PHF21A: variants seen among roughly 807,000 people sequenced by gnomAD.
The protein encoded by PHF21A is BHC80a.
PHF21A carries 11 observed loss-of-function variants against 82.5 expected under a neutral mutation model. The observed-to-expected ratio is 0.13, with a 90% CI of 0.08 to 0.22. The LOEUF is 0.22. PHF21A is among the 10% of genes least tolerant of loss of function. The pLI, the probability that PHF21A is intolerant of heterozygous loss-of-function variation, is 1.00. For missense variants in PHF21A, 579 were observed against 837.8 expected (o/e 0.69, Z 3.81); for synonymous variants, 297 against 302.8 (o/e 0.98, Z 0.20).
intron 6 of PHF21A, among the ~76,000 whole-genome samples, chr11:46,071,098 T>C (rs1431917385): frequency 6.6e-6 from 1 of 152,250 alleles, no homozygotes; most frequent in Non-Finnish European, 1.5e-5. Flanking sequence ...TGTTTTAAAA[T>C]TATACATTCA....
At chr11:46,045,036 CTT>C (rs1267381251) in intron 6 of PHF21A, among the ~76,000 whole-genome samples, 2 of 152,280 alleles carry the variant, frequency 1.3e-5, no homozygotes, top group East Asian at 3.9e-4. Context: ...TGGCCCAACA[CTT>C]TTTATGAAAA....
chr11:46,109,484 T>C (rs951479567), intron 1 of PHF21A, among the ~76,000 whole-genome samples: 2 of 152,208 alleles, frequency 1.3e-5, no homozygotes, highest in Non-Finnish European at 2.9e-5. Context: ...TATATATTTA[T>C]GTAAGTTTGT....
intron 1 of PHF21A, among the ~76,000 whole-genome samples, chr11:46,107,632 T>G (rs2097166903): frequency 6.6e-6 from 1 of 152,194 alleles, no homozygotes; most frequent in Non-Finnish European, 1.5e-5. Context: ...TTAGAAAGGC[T>G]TTTTTAAAAA....
chr11:45,977,766 A>T (rs1215752896), intron 7 of PHF21A, among the ~76,000 whole-genome samples: 1 of 152,094 alleles, frequency 6.6e-6, no homozygotes, highest in Non-Finnish European at 1.5e-5. Flanking sequence ...TATCTGATTT[A>T]CAACAGGGAT....
chr11:46,073,320 C>A (rs1168000588), intron 6 of PHF21A, among the ~76,000 whole-genome samples: 1 of 149,642 alleles, frequency 6.7e-6, no homozygotes, highest in Non-Finnish European at 1.5e-5. Context: ...AAAGCGAGAC[C>A]CCGTCTCAAA....
chr11:45,934,283 A>C (rs1169866536), intron 18 of PHF21A, 58 bp from the exon 19 acceptor site: 1 of 1,536,886 alleles, frequency 6.5e-7, no homozygotes, highest in African/African-American at 1.4e-5. Flanking sequence ...CAGGCCTGGC[A>C]GCCCCTAAGA....
chr11:46,082,241 A>C (rs2096800808), intron 4 of PHF21A, among the ~76,000 whole-genome samples: 1 of 152,172 alleles, frequency 6.6e-6, no homozygotes, highest in African/African-American at 2.4e-5. Context: ...CTATCCAGTA[A>C]GCTCAATTTC....
chr11:45,969,965 G>T, intron 8 of PHF21A, 61 bp from the exon 9 acceptor site: 1 of 1,064,698 alleles, frequency 9.4e-7, no homozygotes, highest in Non-Finnish European at 1.4e-6. Context: ...ATCAAAGCTA[G>T]TATTTTTAGC....
At chr11:46,049,792 A>G (rs2096320877) in intron 6 of PHF21A, among the ~76,000 whole-genome samples, 1 of 152,242 alleles carries the variant, frequency 6.6e-6, no homozygotes, top group Non-Finnish European at 1.5e-5. Flanking sequence ...AGAGTCACGA[A>G]TAGCAAACTG....
chr11:45,984,142 G>T (rs2094411292), intron 6 of PHF21A, among the ~76,000 whole-genome samples: 1 of 152,114 alleles, frequency 6.6e-6, no homozygotes, highest in African/African-American at 2.4e-5. Flanking sequence ...GTTAATGAGA[G>T]TTAAAAGAGA....
At chr11:46,004,067 T>G (rs1041989026) in intron 6 of PHF21A, among the ~76,000 whole-genome samples, 1 of 152,148 alleles carries the variant, frequency 6.6e-6, no homozygotes, top group African/African-American at 2.4e-5. Context: ...ACAGAGTTGG[T>G]TTTTTTAAAC....
chr11:46,007,128 C>T (rs1016529102), intron 6 of PHF21A, among the ~76,000 whole-genome samples: 5 of 152,124 alleles, frequency 3.3e-5, no homozygotes, highest in Admixed American at 6.5e-5. Flanking sequence ...CCAACCATAA[C>T]GTGACGAGAC....
At chr11:46,102,741 C>T (rs2097110962) in intron 1 of PHF21A, among the ~76,000 whole-genome samples, 1 of 152,152 alleles carries the variant, frequency 6.6e-6, no homozygotes, top group African/African-American at 2.4e-5. Flanking sequence ...TACAAATATT[C>T]AGTTACTGTG....
intron 3 of PHF21A, among the ~76,000 whole-genome samples, chr11:46,088,054 G>A (rs1186861970): frequency 6.6e-6 from 1 of 152,154 alleles, no homozygotes; most frequent in Non-Finnish European, 1.5e-5. Context: ...ACTGCACCCA[G>A]CTGAAAAAAT....
chr11:45,975,084 T>C (rs987650220), intron 7 of PHF21A, among the ~76,000 whole-genome samples: 2 of 151,990 alleles, frequency 1.3e-5, no homozygotes, highest in African/African-American at 4.8e-5. Flanking sequence ...GAGGCTAAGG[T>C]GGGCGGATCA....
intron 6 of PHF21A, among the ~76,000 whole-genome samples, chr11:45,984,416 C>T (rs1379507293): frequency 6.6e-6 from 1 of 152,146 alleles, no homozygotes; most frequent in African/African-American, 2.4e-5. Flanking sequence ...CTTGTTCAGG[C>T]AGAAGAGTTC....
At chr11:45,948,761 C>T in intron 14 of PHF21A, 125 bp downstream of exon 14, 1 of 761,590 alleles carries the variant, frequency 1.3e-6, no homozygotes, top group Non-Finnish European at 2.4e-6. Context: ...CAGAGAACAA[C>T]AACAAAACTA....
chr11:46,069,634 T>C, intron 6 of PHF21A, among the ~76,000 whole-genome samples: 1 of 152,170 alleles, frequency 6.6e-6, no homozygotes, highest in East Asian at 1.9e-4. Flanking sequence ...TCAAAAAATA[T>C]TTGATAGATA....
At chr11:45,993,000 T>C (rs2094771506) in intron 6 of PHF21A, among the ~76,000 whole-genome samples, 1 of 152,208 alleles carries the variant, frequency 6.6e-6, no homozygotes, top group Admixed American at 6.5e-5. Context: ...AAAACTACCT[T>C]GCTGAAGCTA....
Sources: gnomAD v4.1 joint callset for allele counts (sites outside exome capture counted in the v4.1 genomes callset) on GRCh38, gnomAD v4.1.1 for gene constraint, MANE v1.5 for transcripts, NCBI Gene and HGNC (gene_info 2026-07-23, HGNC 2026-07-21) for gene names.